UBE4A: variants seen among roughly 807,000 people sequenced by gnomAD.
The protein encoded by UBE4A is ubiquitination factor E4A.
Under a neutral mutation model 117.9 loss-of-function variants are expected in UBE4A, and 48 were observed. The observed-to-expected ratio is 0.41, with a 90% CI of 0.32 to 0.52. The LOEUF (loss-of-function observed/expected upper bound fraction) is 0.52. UBE4A is among the 20% of genes least tolerant of loss of function. The pLI is 0.33. For missense variants in UBE4A, 1,067 were observed against 1,296.3 expected, an observed-to-expected ratio of 0.82 and a Z score of 2.72; for synonymous variants, 407 against 450.0, an observed-to-expected ratio of 0.90 and a Z score of 1.21.
chr11:118,374,250 G>C (rs1049488172), intron 8 of UBE4A, among the ~76,000 whole-genome samples: 3 of 152,106 alleles, frequency 2.0e-5, no homozygotes, highest in Admixed American at 1.3e-4. Context: ...TTCTCACTGA[G>C]CTATAACTTT....
chr11:118,376,484 T>C (rs1419673794), intron 9 of UBE4A, 90 bp from the exon 10 acceptor site: 30 of 1,484,132 alleles, frequency 2.0e-5, no homozygotes, highest in Non-Finnish European at 2.5e-5. Context: ...TAAGAAGATA[T>C]CACTGCTAAC....
intron 1 of UBE4A, among the ~76,000 whole-genome samples, chr11:118,361,087 G>T (rs1359226791): frequency 6.8e-6 from 1 of 147,378 alleles, no homozygotes. Context: ...CACGATCTCA[G>T]CTCACGGCAA....
chr11:118,372,439 C>T (rs965138811), intron 5 of UBE4A, 68 bp from the exon 6 acceptor site: 147 of 1,489,110 alleles, frequency 9.9e-5, no homozygotes, highest in Non-Finnish European at 1.3e-4. Flanking sequence ...CTATTGTATT[C>T]ACTATGTCTA....
rs1429076275 is a variant in UBE4A, at chr11:118,397,504, A to G, written c.*1064A>G. 2 of 152,234 alleles carry G rather than the reference A, an allele frequency of 1.3e-5. No individual in the cohort carries two copies. Among genetic ancestry groups the G allele is most frequent in the Non-Finnish European group, 2.9e-5 (2 of 68,048 alleles). 9.4% of individuals were successfully genotyped at this position (152,234 alleles called of 1,614,324 possible). On this transcript the variant is annotated 3_prime_UTR_variant, in exon 20 of 20. Transcript: ENST00000252108. ...CTTCTAACACAGCCTTAGGTCTTCA[A>G]TTAACAAAGTAGGAAGTTGAGCACA...
chr11:118,389,481 G>T (rs1948792508), intron 16 of UBE4A, among the ~76,000 whole-genome samples: 1 of 152,200 alleles, frequency 6.6e-6, no homozygotes, highest in Non-Finnish European at 1.5e-5. Flanking sequence ...TTAGCAAGAT[G>T]TTAACAGTGT....
chr11:118,368,077 C>T (rs946415914), intron 2 of UBE4A, among the ~76,000 whole-genome samples: 1 of 151,952 alleles, frequency 6.6e-6, no homozygotes, highest in African/African-American at 2.4e-5. Flanking sequence ...GGTGTTGGTG[C>T]TGATTAAAAG....
At chr11:118,372,833 C>A in intron 6 of UBE4A, 167 bp downstream of exon 6, 3 of 1,056,658 alleles carry the variant, frequency 2.8e-6, no homozygotes, top group Non-Finnish European at 4.1e-6. Context: ...TAAAGCTGGG[C>A]ATGGTAGCAC....
At chr11:118,393,059 C>T (rs1460752227) in intron 19 of UBE4A, among the ~76,000 whole-genome samples, 164 bp downstream of exon 19, 1 of 152,204 alleles carries the variant, frequency 6.6e-6, no homozygotes, top group East Asian at 1.9e-4. Flanking sequence ...AGGATATAAA[C>T]ATTTCAAAAC....
intron 11 of UBE4A, among the ~76,000 whole-genome samples, chr11:118,380,123 G>T (rs1222705748): frequency 2.4e-5 from 2 of 84,860 alleles, no homozygotes; most frequent in South Asian, 8.5e-4. Context: ...AAGAGTGTGT[G>T]TGTGTGTGTG....
At chr11:118,391,940 GAAAA>G (rs1286966677) in intron 18 of UBE4A, among the ~76,000 whole-genome samples, 7 of 144,864 alleles carry the variant, frequency 4.8e-5, no homozygotes, top group Non-Finnish European at 9.2e-5. Flanking sequence ...TAACTTTTTA[GAAAA>G]AAAAAAAGAT....
chr11:118,388,370 G>A (rs1948778957), intron 16 of UBE4A, among the ~76,000 whole-genome samples: 1 of 152,126 alleles, frequency 6.6e-6, no homozygotes, highest in Non-Finnish European at 1.5e-5. Context: ...GAAGCGATAG[G>A]CCAGGCACGG....
At chr11:118,382,359 G>C (rs548961371) in intron 12 of UBE4A, among the ~76,000 whole-genome samples, 2 of 151,880 alleles carry the variant, frequency 1.3e-5, no homozygotes, top group Admixed American at 6.6e-5. Context: ...AGTGCTCACC[G>C]TCATATTTGG....
chr11:118,398,261 TAAC>T lies in UBE4A; in HGVS notation c.*1825_*1827del, dbSNP rs1293781095. ...CAGCTATTCCCAGCAGCTTCCTAGT[TAAC>T]AACCCCCATGCTGCCTCCAGTCTTT... is the stretch of plus-strand genomic sequence containing the variant. On this transcript the variant is annotated 3_prime_UTR_variant, in exon 20 of 20. Transcript: ENST00000252108. The T allele has an allele frequency of 1.3e-5, 2 of 152,504 alleles. No homozygotes were observed. Among genetic ancestry groups the T allele is most frequent in the African/African-American group, 2.4e-5 (1 of 41,450 alleles). The allele number at this position is 152,504 out of a possible 1,614,324, so 9.4% of individuals were successfully genotyped here. A position where few individuals can be genotyped will look rare whatever the true frequency, so the allele number is the denominator to read the frequency against.
intron 1 of UBE4A, among the ~76,000 whole-genome samples, chr11:118,359,934 C>G (rs1325404777): frequency 6.6e-6 from 1 of 152,152 alleles, no homozygotes; most frequent in African/African-American, 2.4e-5. Flanking sequence ...GAGGCCGGAG[C>G]GCTATCATTG....
At chr11:118,368,949 A>G in intron 3 of UBE4A, 145 bp downstream of exon 3, 1 of 820,736 alleles carries the variant, frequency 1.2e-6, no homozygotes, top group Admixed American at 2.7e-5. Context: ...ATTTCAGTGA[A>G]CCTTTTGGTA....
At chr11:118,391,224 C>T (rs1318491999) in intron 18 of UBE4A, among the ~76,000 whole-genome samples, 1 of 152,164 alleles carries the variant, frequency 6.6e-6, no homozygotes, top group Non-Finnish European at 1.5e-5. Context: ...AGTAGTGGCT[C>T]ATGCTTGTAA....
chr11:118,376,000 CAG>C (rs1555125318), intron 9 of UBE4A, among the ~76,000 whole-genome samples: 1 of 151,972 alleles, frequency 6.6e-6, no homozygotes, highest in African/African-American at 2.4e-5. Flanking sequence ...TCCCTTTATA[CAG>C]AGAGAAAAGC....
At chr11:118,366,855 G>A (rs1948567558) in intron 2 of UBE4A, among the ~76,000 whole-genome samples, 1 of 152,218 alleles carries the variant, frequency 6.6e-6, no homozygotes, top group Admixed American at 6.5e-5. Flanking sequence ...GATCACCGGA[G>A]GTCAGGAGTT....
chr11:118,379,845 G>A (rs1334673077), intron 11 of UBE4A, 95 bp downstream of exon 11: 21 of 1,372,606 alleles, frequency 1.5e-5, no homozygotes, highest in Middle Eastern at 5.1e-4. Context: ...CCCTTTCTTC[G>A]TTATCATTCA....
Sources: gnomAD v4.1 joint callset for allele counts (sites outside exome capture counted in the v4.1 genomes callset) on GRCh38, gnomAD v4.1.1 for gene constraint, MANE v1.5 for transcripts, NCBI Gene and HGNC (gene_info 2026-07-23, HGNC 2026-07-21) for gene names.